FAM151A: variants seen among roughly 807,000 people sequenced by gnomAD.
FAM151A encodes family with sequence similarity 151 member A.
In FAM151A, 41 loss-of-function variants were observed where a neutral mutation model predicts 40.4. The observed-to-expected ratio is 1.01, with a 90% CI of 0.79 to 1.32. FAM151A has a LOEUF of 1.32. Among genes scored for constraint, FAM151A ranks in the 40% most tolerant of loss-of-function variants. The probability of loss-of-function intolerance (pLI) is 0.00; values close to 1 mark genes in which losing one functional copy is unlikely to be tolerated. For synonymous variants in FAM151A, 337 were observed against 312.5 expected (o/e 1.08, Z -0.83); for missense variants, 740 against 740.4 (o/e 1.00, Z 0.01).
chr1:54,611,844 G>C, intron 5 of FAM151A, 99 bp from the exon 6 acceptor site: 2 of 1,453,998 alleles, frequency 1.4e-6, no homozygotes, highest in Non-Finnish European at 1.9e-6. Context: ...GCGCAGGGTA[G>C]AGCATCTGTC....
chr1:54,614,544 T>G (rs1171072924), intron 4 of FAM151A, among the ~76,000 whole-genome samples, 156 bp downstream of exon 4: 1 of 152,098 alleles, frequency 6.6e-6, no homozygotes, highest in East Asian at 1.9e-4. Flanking sequence ...GGAAAGGCAT[T>G]GGAGGAAGAG....
Position 54,609,705 on chromosome 1 carries a change from C to G in FAM151A, c.1321G>C (p.Val441Leu), listed in dbSNP as rs764148627. The change falls in exon 8 of 8, where the codon GTG (valine) becomes CTG (leucine). Residue 441 changes from valine to leucine, a missense_variant. By Grantham distance (32) the Val-to-Leu change is conservative (BLOSUM62 1). Transcript: ENST00000302250. ...TGGGAGATTTTGGCCCCAACCCACA[C>G]AGGCCAATGCAAGAGGCCAAGGCTG... is the stretch of plus-strand genomic sequence containing the variant. ...LSSLGLLHWP[V>L]WVGAKISHGS... The G allele has an allele frequency of 6.2e-7, 1 of 1,614,126 alleles. No homozygotes were observed. Among genetic ancestry groups the G allele is most frequent in the Admixed American group, 1.7e-5 (1 of 60,038 alleles).
chr1:54,611,372 C>G (rs1199417351), intron 6 of FAM151A, among the ~76,000 whole-genome samples: 1 of 152,034 alleles, frequency 6.6e-6, no homozygotes, highest in African/African-American at 2.4e-5. Flanking sequence ...TGCACTCCAG[C>G]CTGGGTGACA....
In FAM151A at chr1:54,609,635, A is replaced by G; in HGVS notation, c.1391T>C (p.Leu464Pro). 6.2e-7 allele frequency: 1 copy of G among 1,613,872 alleles called. No individual in the cohort carries two copies. The highest frequency in any genetic ancestry group is 8.5e-7 in the Non-Finnish European group (1 of 1,180,032). Residue 464 changes from leucine to proline, a missense_variant, in exon 8 of 8, where the codon CTT becomes CCT. Coordinates refer to ENST00000302250, the MANE Select transcript of FAM151A (RefSeq NM_176782.3). Reference sequence around the variant, plus strand: ...GGGGAAGACCTCAGCCACAGCTGTAAGCAGCTCTCTGCCAGCCACATGGCC... The same window carrying G: ...GGGGAAGACCTCAGCCACAGCTGTAGGCAGCTCTCTGCCAGCCACATGGCC... ...VPGHVAGREL[L>P]TAVAEVFPHV...
At chr1:54,620,287 C>T (rs1644217325) in intron 1 of FAM151A, among the ~76,000 whole-genome samples, 1 of 152,216 alleles carries the variant, frequency 6.6e-6, no homozygotes, top group Admixed American at 6.5e-5. Flanking sequence ...GTGTAAATTT[C>T]ACAGACAAGG....
At position 54,609,478 on chromosome 1, in the gene FAM151A, C is replaced by T. The variant is rs1464465269; in HGVS notation, c.1548G>A (p.Leu516=). 1 of 1,613,456 alleles carries T rather than the reference C, an allele frequency of 6.2e-7. No homozygotes were observed. The change falls in exon 8 of 8, where the codon CTG becomes CTA. Residue 516 remains leucine, a synonymous_variant. Transcript: ENST00000302250. ...QPVSFQMQAM[L]LGHSTAGAIG... The stretch of plus-strand genomic sequence containing the variant: ...TGGCTCCAGCTGTGCTGTGGCCCAG[C>T]AGCATGGCCTGCATCTGGAAGGACA...
rs1345326763 is a variant in FAM151A, at chr1:54,611,752, A to G, written c.801-7T>C. ...CCACAGCGTCAGGCTGTACCTGGGG[A>G]CACGAGAGCTGGCTCAGTGCCTGTC... On this transcript the variant is annotated splice_region_variant and splice_polypyrimidine_tract_variant and intron_variant, in intron 5 of 7. Coordinates refer to ENST00000302250, the MANE Select transcript of FAM151A (RefSeq NM_176782.3). 1 of 1,613,788 alleles carries G rather than the reference A, an allele frequency of 6.2e-7. No homozygotes were observed. Among genetic ancestry groups the G allele is most frequent in the Non-Finnish European group, 8.5e-7 (1 of 1,179,904 alleles).
At chr1:54,620,845 CAAAAAAAAAAAAAAAAAAAA>C (rs767625864) in intron 1 of FAM151A, among the ~76,000 whole-genome samples, 1 of 12,118 alleles carries the variant, frequency 8.3e-5, no homozygotes, top group African/African-American at 3.1e-4. Flanking sequence ...GAGACTCTGT[CAAAAAAAAAAAAAAAAAAAA>C]AAAAAAAAAA....
chr1:54,609,276 T>C lies in FAM151A; in HGVS notation c.1750A>G (p.Arg584Gly). 6.2e-7 allele frequency: 1 copy of C among 1,604,620 alleles called. No homozygotes were observed. The highest frequency in any genetic ancestry group is 8.5e-7 in the Non-Finnish European group (1 of 1,173,424). The change falls in exon 8 of 8, where the codon AGA becomes GGA. Residue 584 changes from arginine to glycine, a missense_variant. Coordinates refer to ENST00000302250, the MANE Select transcript of FAM151A (RefSeq NM_176782.3). Reference sequence around the variant, plus strand: ...CCACCACCCCTGGGTGCTCAGTTTCTACCAACATGAGCCAGCAAGTCCTTG... The same window carrying C: ...CCACCACCCCTGGGTGCTCAGTTTCCACCAACATGAGCCAGCAAGTCCTTG... ...YHKDLLAHVG[R>G]N
Position 54,609,795 on chromosome 1 carries a change from T to C in FAM151A, c.1231A>G (p.Ile411Val). 1 of 1,614,158 alleles carries C rather than the reference T, an allele frequency of 6.2e-7. No individual in the cohort carries two copies. Among genetic ancestry groups the C allele is most frequent in the Admixed American group, 1.7e-5 (1 of 60,026 alleles). Residue 411 changes from isoleucine to valine, a missense_variant, in exon 8 of 8, where the codon ATC (isoleucine) becomes GTC (valine). Physicochemically the swap from Ile to Val is conservative, Grantham distance 29. Coordinates refer to ENST00000302250, the MANE Select transcript of FAM151A (RefSeq NM_176782.3). ...QLATHPGHWG[I>V]HLQIAEPAAL... ...GCGGGCTCCGCTATTTGCAAATGGA[T>C]GCCCCAGTGTCCGGGATGTGTGGCC...
At position 54,614,776 on chromosome 1, in the gene FAM151A, G is replaced by A. The variant is rs769180206; in HGVS notation, c.499C>T (p.Arg167Trp). The change falls in exon 4 of 8, where the codon CGG becomes TGG. Residue 167 changes from arginine (R) to tryptophan (W), a missense_variant. Physicochemically the swap from Arg to Trp is moderately radical, Grantham distance 101. Transcript: ENST00000302250. ...TCAGCGTTGATCCATATGGGCCGCCGGACTTTGCCTTCCTCTGTCAGCTGC... is the reference window on the plus strand; with the variant it reads ...TCAGCGTTGATCCATATGGGCCGCCAGACTTTGCCTTCCTCTGTCAGCTGC... ...LRQLTEEGKV[R>W]RPIWINADIL... 4 of 1,614,132 alleles carry A rather than the reference G, an allele frequency of 2.5e-6. No homozygotes were observed. Among genetic ancestry groups the A allele is most frequent in the Non-Finnish European group, 1.7e-6 (2 of 1,180,022 alleles).
chr1:54,615,937 G>C, intron 3 of FAM151A, 83 bp downstream of exon 3: 4 of 1,440,782 alleles, frequency 2.8e-6, no homozygotes, highest in African/African-American at 1.4e-5. Flanking sequence ...GGCTGGACTT[G>C]CTTCCCAGTG....
At position 54,611,723 on chromosome 1, in the gene FAM151A, C is replaced by G; in HGVS notation, c.823G>C (p.Ala275Pro). The G allele has an allele frequency of 6.2e-7, 1 of 1,614,130 alleles. No homozygotes were observed. Among genetic ancestry groups the G allele is most frequent in the Non-Finnish European group, 8.5e-7 (1 of 1,179,998 alleles). The change falls in exon 6 of 8, where the codon GCT (alanine) becomes CCT (proline). Residue 275 changes from alanine to proline, a missense_variant. Coordinates refer to ENST00000302250, the MANE Select transcript of FAM151A (RefSeq NM_176782.3). The stretch of plus-strand genomic sequence containing the variant: ...TCCACCGACATGGGGTCCGAGGCAG[C>G]CTGCCACAGCGTCAGGCTGTACCTG... ...SERYSLTLWQ[A>P]ASDPMSVEDL...
At chr1:54,623,188 A>AG (rs71581822) in intron 1 of FAM151A, 90 bp downstream of exon 1, 2 of 796,398 alleles carry the variant, frequency 2.5e-6, no homozygotes, top group South Asian at 1.7e-5. Flanking sequence ...AAAAAAAAAA[A>AG]GGGACTGGTC....
At chr1:54,615,072 TAG>T (rs71712879) in intron 3 of FAM151A, among the ~76,000 whole-genome samples, 37,268 of 151,992 alleles carry the variant, frequency 0.25, 5,224 homozygotes, top group East Asian at 0.35. Context: ...GGCCTGCCTC[TAG>T]AGGAGTTCCC....
chr1:54,616,753 C>T (rs1055547445), intron 2 of FAM151A, among the ~76,000 whole-genome samples: 5 of 152,126 alleles, frequency 3.3e-5, no homozygotes, highest in African/African-American at 4.8e-5. Context: ...CACATTTCCA[C>T]GATCTTTTTT....
intron 2 of FAM151A, among the ~76,000 whole-genome samples, chr1:54,618,171 A>G (rs1223674404): frequency 1.3e-5 from 2 of 151,850 alleles, no homozygotes; most frequent in Non-Finnish European, 2.9e-5. Flanking sequence ...CAACTTTACT[A>G]TGGCACCTCC....
chr1:54,623,369 C>G lies in FAM151A; in HGVS notation c.27G>C (p.Lys9Asn), dbSNP rs746130128. 4.3e-6 allele frequency: 7 copies of G among 1,613,968 alleles called. No homozygotes were observed. The highest frequency in any genetic ancestry group is 5.9e-6 in the Non-Finnish European group (7 of 1,179,950). MVCREQLS[K>N]NQVKWVFAGI... is the part of the protein sequence containing the mutation. Reference sequence around the variant, plus strand: ...CGGCAAACACCCACTTGACCTGATTCTTTGATAACTGCTCCCTGCAGACCA... The same window carrying G: ...CGGCAAACACCCACTTGACCTGATTGTTTGATAACTGCTCCCTGCAGACCA... Residue 9 changes from lysine (K) to asparagine (N), a missense_variant, in exon 1 of 8, where the codon AAG becomes AAC. Coordinates refer to ENST00000302250, the MANE Select transcript of FAM151A (RefSeq NM_176782.3).
intron 2 of FAM151A, among the ~76,000 whole-genome samples, chr1:54,616,916 G>A (rs1028456931): frequency 6.6e-6 from 1 of 152,134 alleles, no homozygotes; most frequent in African/African-American, 2.4e-5. Flanking sequence ...ATGTTGCCCT[G>A]TCTGGTCTTG....
Sources: gnomAD v4.1 joint callset for allele counts (sites outside exome capture counted in the v4.1 genomes callset) on GRCh38, gnomAD v4.1.1 for gene constraint, MANE v1.5 for transcripts, NCBI Gene and HGNC (gene_info 2026-07-23, HGNC 2026-07-21) for gene names.